Variants in TTC27 observed in about 807,000 individuals in gnomAD.
TTC27 encodes the protein tetratricopeptide repeat domain 27.
A neutral mutation model predicts 115.9 loss-of-function variants in TTC27; 79 were observed. The observed-to-expected ratio is 0.68, with a 90% CI of 0.57 to 0.82. The LOEUF is 0.82. Ranked by LOEUF, TTC27 falls within the 40% of genes least tolerant of loss-of-function variation. TTC27 has a pLI of 0.00. For missense variants in TTC27, 1,054 were observed against 993.1 expected (o/e 1.06, Z -0.82); for synonymous variants, 401 against 356.0 (o/e 1.13, Z -1.42).
intron 16 of TTC27, among the ~76,000 whole-genome samples, chr2:32,788,087 T>C (rs1320852971): frequency 6.6e-6 from 1 of 152,232 alleles, no homozygotes; most frequent in Non-Finnish European, 1.5e-5. Flanking sequence ...ATCTCTTGTT[T>C]ACTGCAATTG....
chr2:32,646,101 T>A (rs965897230), intron 4 of TTC27, among the ~76,000 whole-genome samples: 4 of 151,512 alleles, frequency 2.6e-5, no homozygotes, highest in African/African-American at 9.7e-5. Context: ...CAATCTTGGC[T>A]CCCTGCAACC....
intron 16 of TTC27, among the ~76,000 whole-genome samples, chr2:32,795,145 A>C (rs1439817532): frequency 1.3e-5 from 2 of 151,738 alleles, no homozygotes; most frequent in East Asian, 3.9e-4. Flanking sequence ...AAAAAAAAAA[A>C]ACAAACAAAA....
intron 8 of TTC27, among the ~76,000 whole-genome samples, chr2:32,676,706 G>C (rs1666222760): frequency 6.6e-6 from 1 of 151,782 alleles, no homozygotes. Flanking sequence ...GGCCAGGCTG[G>C]TCTTGAACTC....
chr2:32,742,908 T>G (rs1668693490), intron 12 of TTC27, among the ~76,000 whole-genome samples: 1 of 152,140 alleles, frequency 6.6e-6, no homozygotes, highest in African/African-American at 2.4e-5. Flanking sequence ...TTTTAAAAAT[T>G]TTTTTTAATC....
At chr2:32,663,255 C>G (rs1469767449) in intron 5 of TTC27, among the ~76,000 whole-genome samples, 1 of 152,174 alleles carries the variant, frequency 6.6e-6, no homozygotes, top group Non-Finnish European at 1.5e-5. Flanking sequence ...TTTGTGTCTG[C>G]CCAAACGGCT....
At chr2:32,680,147 A>G (rs1056092552) in intron 9 of TTC27, among the ~76,000 whole-genome samples, 1 of 152,140 alleles carries the variant, frequency 6.6e-6, no homozygotes, top group East Asian at 1.9e-4. Context: ...CCACTTCAGT[A>G]TTCTCAGAAA....
At chr2:32,695,397 A>C (rs1223543509) in intron 9 of TTC27, among the ~76,000 whole-genome samples, 1 of 152,088 alleles carries the variant, frequency 6.6e-6, no homozygotes, top group East Asian at 1.9e-4. Flanking sequence ...CAGCCTGGCC[A>C]ACATGGTGAA....
At position 32,666,740 on chromosome 2, in the gene TTC27, C is replaced by T. The variant is rs371760464; in HGVS notation, c.911C>T (p.Ala304Val). The T allele has an allele frequency of 1.2e-6, 2 of 1,613,630 alleles. No homozygotes were observed. The highest frequency in any genetic ancestry group is 1.7e-6 in the Non-Finnish European group (2 of 1,179,828). The change falls in exon 7 of 20, where the codon GCA becomes GTA. Residue 304 changes from alanine (A) to valine (V), a missense_variant. By Grantham distance (64) the Ala-to-Val change is moderately conservative. Coordinates refer to ENST00000317907, the MANE Select transcript of TTC27 (RefSeq NM_017735.5). ...DVLSNCEFTPAPTPQEHLTKN... is the reference protein window; with the variant it reads ...DVLSNCEFTPVPTPQEHLTKN... ...CTTTCAAATTGTGAATTCACTCCAG[C>T]ACCCACTCCTCAGGAACATTTAACC... is the stretch of plus-strand genomic sequence containing the variant.
At chr2:32,647,988 A>G (rs1274219026) in intron 4 of TTC27, among the ~76,000 whole-genome samples, 1 of 152,220 alleles carries the variant, frequency 6.6e-6, no homozygotes, top group Admixed American at 6.5e-5. Context: ...ATTACTTATC[A>G]TAACTTGTAC....
chr2:32,684,999 T>C (rs1239461986), intron 9 of TTC27, among the ~76,000 whole-genome samples: 4 of 148,756 alleles, frequency 2.7e-5, no homozygotes, highest in Admixed American at 1.3e-4. Flanking sequence ...AACTAATTGC[T>C]CTGCTTTGCC....
chr2:32,787,131 C>A lies in TTC27; in HGVS notation c.1980C>A (p.Asp660Glu), dbSNP rs200118379. The change falls in exon 16 of 20, where the codon GAC becomes GAA. Residue 660 changes from aspartate to glutamate, a missense_variant. By Grantham distance (45) the Asp-to-Glu change is conservative. Transcript: ENST00000317907. ...ATCACCGGCTCTTGGACTTACGTGA[C>A]AAATACAAAGATGTTCAGGTAGGAT... Reference protein sequence around the residue: ...KAYHRLLDLRDKYKDVQVLKI... With the variant: ...KAYHRLLDLREKYKDVQVLKI... The A allele has an allele frequency of 4.8e-5, 78 of 1,612,368 alleles. No homozygotes were observed. The Middle Eastern group carries it at 1.2e-3, about 24-fold the overall frequency.
intron 16 of TTC27, among the ~76,000 whole-genome samples, chr2:32,810,039 C>G (rs938470172): frequency 6.6e-5 from 10 of 151,084 alleles, no homozygotes; most frequent in Non-Finnish European, 1.2e-4. Flanking sequence ...ATCACTTGAG[C>G]CCGGGAGGCG....
intron 9 of TTC27, among the ~76,000 whole-genome samples, chr2:32,683,020 A>T (rs1666496663): frequency 6.6e-6 from 1 of 151,282 alleles, no homozygotes; most frequent in East Asian, 1.9e-4. Flanking sequence ...CACCTGGCTA[A>T]TTTTTTTGTG....
intron 16 of TTC27, among the ~76,000 whole-genome samples, chr2:32,790,382 A>G (rs1004122605): frequency 6.6e-6 from 1 of 152,074 alleles, no homozygotes; most frequent in African/African-American, 2.4e-5. Flanking sequence ...AAGAATGAGT[A>G]GATATACTAC....
At chr2:32,682,226 C>T (rs1178203952) in intron 9 of TTC27, among the ~76,000 whole-genome samples, 1 of 152,078 alleles carries the variant, frequency 6.6e-6, no homozygotes, top group Non-Finnish European at 1.5e-5. Context: ...AGAGCTGTGT[C>T]ACTTACTTGG....
At chr2:32,703,409 G>C (rs974686993) in intron 10 of TTC27, among the ~76,000 whole-genome samples, 1 of 152,220 alleles carries the variant, frequency 6.6e-6, no homozygotes, top group African/African-American at 2.4e-5. Flanking sequence ...AAAGGTCGCA[G>C]TGAGCCGAGA....
At chr2:32,748,198 T>G (rs926037965) in intron 12 of TTC27, among the ~76,000 whole-genome samples, 2 of 152,224 alleles carry the variant, frequency 1.3e-5, no homozygotes, top group Non-Finnish European at 2.9e-5. Context: ...TGTTGTAATT[T>G]CTTCATTTCA....
intron 14 of TTC27, among the ~76,000 whole-genome samples, chr2:32,782,026 A>G (rs1379013412): frequency 6.6e-6 from 1 of 152,204 alleles, no homozygotes; most frequent in Non-Finnish European, 1.5e-5. Flanking sequence ...ATATTAGATG[A>G]AAAGTGGAAC....
intron 4 of TTC27, among the ~76,000 whole-genome samples, chr2:32,646,849 C>T (rs944263370): frequency 1.3e-5 from 2 of 152,046 alleles, no homozygotes; most frequent in Non-Finnish European, 2.9e-5. Context: ...AGGCATGAGC[C>T]ACCGCGCCCG....
Sources: allele counts gnomAD v4.1 joint callset (sites outside exome capture counted in the v4.1 genomes callset), GRCh38; gene constraint gnomAD v4.1.1; transcripts MANE v1.5; gene names NCBI Gene and HGNC (gene_info 2026-07-23, HGNC 2026-07-21).